ZNF846: variants seen among roughly 807,000 people sequenced by gnomAD.
ZNF846 encodes zinc finger protein 420 pseudogene.
Under a neutral mutation model 16.0 loss-of-function variants are expected in ZNF846, and 15 were observed. The observed-to-expected ratio is 0.94, with a 90% CI of 0.63 to 1.45. The LOEUF is 1.45. ZNF846 is among the 40% of genes most tolerant of loss of function. The pLI, the probability that ZNF846 is intolerant of heterozygous loss-of-function variation, is 0.00. For missense variants in ZNF846, 714 were observed against 622.3 expected, an observed-to-expected ratio of 1.15 and a Z score of -1.57; for synonymous variants, 229 against 212.0, an observed-to-expected ratio of 1.08 and a Z score of -0.70.
rs10419396 is a variant in ZNF846, at chr19:9,762,449, C to T, written c.143-281G>A. 5.0e-3 allele frequency: 1,351 copies of T among 270,706 alleles called. 15 individuals are homozygous for T. Among genetic ancestry groups the T allele is most frequent in the African/African-American group, 0.029 (1,289 of 44,420 alleles). The allele number at this position is 270,706 out of a possible 1,614,324, so 16.8% of individuals were successfully genotyped here. On this transcript the variant is annotated intron_variant, in intron 3 of 5. Coordinates refer to ENST00000397902, the Ensembl canonical transcript of ZNF846. ...GGTTAGGAGTTCAAGACCAGCCTGG[C>T]CAACGTGGTGAAACTTCCTCTCTAC... is the stretch of plus-strand genomic sequence containing the variant.
At chr19:9,776,567 C>T (rs1042895650) in intron 1 of ZNF846, among the ~76,000 whole-genome samples, 1 of 152,234 alleles carries the variant, frequency 6.6e-6, no homozygotes, top group Non-Finnish European at 1.5e-5. Context: ...ACACTCTTTA[C>T]CCTGCCCCTT....
At chr19:9,783,995 G>A (rs1460971430) in intron 1 of ZNF846, among the ~76,000 whole-genome samples, 4 of 152,104 alleles carry the variant, frequency 2.6e-5, no homozygotes, top group Admixed American at 6.6e-5. Flanking sequence ...TAGCCATCGC[G>A]CCTGGCCAGA....
intron 4 of ZNF846, among the ~76,000 whole-genome samples, chr19:9,760,564 G>A (rs958220041): frequency 6.6e-6 from 1 of 150,424 alleles, no homozygotes; most frequent in Non-Finnish European, 1.5e-5. Flanking sequence ...GGCCAGACAT[G>A]GTGGTGTACA....
rs1338041198 is a variant in ZNF846 at position 9,776,275 on chromosome 19, C to A, written c.-86+9663G>T. Among the ~76,000 whole-genome samples the A allele has an allele frequency of 2.0e-5, 3 of 152,342 alleles. No individual in the cohort carries two copies. The South Asian group carries it at 6.2e-4, about 32-fold the overall frequency. Reference sequence around the variant, plus strand: ...GGGCCTGACATCAGCCAGGCTTGCCCACTGTTATCTGGAGGCCCAACCGTC... The same window carrying A: ...GGGCCTGACATCAGCCAGGCTTGCCAACTGTTATCTGGAGGCCCAACCGTC... On this transcript the variant is annotated intron_variant, in intron 1 of 4. Coordinates refer to the ZNF846 transcript ENST00000586814.
At position 9,758,384 on chromosome 19, in the gene ZNF846, A is replaced by T. The variant is rs1194183031; in HGVS notation, c.693T>A (p.Cys231Ter). 3.1e-6 allele frequency: 5 copies of T among 1,613,218 alleles called. No homozygotes were observed. The highest frequency in any genetic ancestry group is 3.4e-6 in the Non-Finnish European group (4 of 1,179,870). The change falls in exon 6 of 6, where the codon TGT becomes TGA. Residue 231 changes from cysteine to a stop codon, truncating the protein, a stop_gained. Coordinates refer to ENST00000397902, the Ensembl canonical transcript of ZNF846. LOFTEE classifies it low-confidence loss of function (END_TRUNC). ...GTGAGGAATTACTGAAGGCTTTCCC[A>T]CATTCCTTACATACATAGTGTTTGT...
At chr19:9,782,475 C>A (rs148215419) in intron 1 of ZNF846, among the ~76,000 whole-genome samples, 2 of 152,074 alleles carry the variant, frequency 1.3e-5, no homozygotes, top group Non-Finnish European at 2.9e-5. Flanking sequence ...GTTGCCCAGG[C>A]TTGTCTCCAA....
intron 1 of ZNF846, among the ~76,000 whole-genome samples, chr19:9,785,694 C>T (rs1322139694): frequency 1.2e-5 from 1 of 81,956 alleles, no homozygotes; most frequent in Non-Finnish European, 2.6e-5. Flanking sequence ...GAGACTCCGC[C>T]CCCGTCTCTC....
At chr19:9,770,480 C>CTT (rs565850988), upstream of ZNF846, among the ~76,000 whole-genome samples, 186 of 130,106 alleles carry the variant, frequency 1.4e-3, no homozygotes, top group South Asian at 3.1e-3. Context: ...TGGGTTTTCT[C>CTT]TTTTTTTTTT....
At chr19:9,762,229 T>C in intron 3 of ZNF846, 61 bp from the exon 4 acceptor site, 1 of 1,305,946 alleles carries the variant, frequency 7.7e-7, no homozygotes, top group Non-Finnish European at 1.1e-6. Context: ...TGTCCTTCAA[T>C]GGGGAACCAA....
At chr19:9,754,563 T>TCAAAAAAAAAAAAAAAAAAAAAAA (rs776769152), downstream of ZNF846, among the ~76,000 whole-genome samples, 21 of 83,768 alleles carry the variant, frequency 2.5e-4, 1 homozygote, top group South Asian at 9.3e-4. Context: ...AGACTCTGTC[T>TCAAAAAAAAAAAAAAAAAAAAAAA]TAAAAAAAAA....
chr19:9,754,040 C>T (rs530828269), downstream of ZNF846, among the ~76,000 whole-genome samples: 7 of 151,476 alleles, frequency 4.6e-5, no homozygotes, highest in East Asian at 7.7e-4. Flanking sequence ...CCAATATTTA[C>T]TTCATGTATT....
At chr19:9,756,345 G>GTGTGTGTGTATATATA (rs1321690890), downstream of ZNF846, 5 of 81,772 alleles carry the variant, frequency 6.1e-5, no homozygotes, top group South Asian at 4.7e-4. Flanking sequence ...GTGTGTGTGT[G>GTGTGTGTGTATATATA]TATATATATA....
At chr19:9,764,996 T>C (rs1281559091) in exon 2 of ZNF846, 4 of 1,611,148 alleles carry the variant, frequency 2.5e-6, no homozygotes, top group African/African-American at 1.3e-5. Context: ...CTTCTCGATG[T>C]TCCTGTCATG....
chr19:9,757,798 A>G, exon 6 of ZNF846: 5 of 1,613,640 alleles, frequency 3.1e-6, no homozygotes, highest in Non-Finnish European at 4.2e-6. Flanking sequence ...GCTTTCCCAC[A>G]TTCTTTGCAT....
chr19:9,783,540 A>ATATATATATATATAT (rs1415322257), intron 1 of ZNF846, among the ~76,000 whole-genome samples: 27 of 120,504 alleles, frequency 2.2e-4, no homozygotes, highest in African/African-American at 1.0e-3. Flanking sequence ...AAAAAAAAAA[A>ATATATATATATATAT]AAAAATATAT....
At chr19:9,777,125 G>A (rs1023112875) in intron 1 of ZNF846, among the ~76,000 whole-genome samples, 1 of 148,496 alleles carries the variant, frequency 6.7e-6, no homozygotes, top group Admixed American at 6.8e-5. Context: ...AGAAGAAGAA[G>A]AACGAAAGAA....
intron 1 of ZNF846, chr19:9,774,381 T>C: frequency 3.8e-6 from 2 of 523,356 alleles, no homozygotes; most frequent in Non-Finnish European, 6.9e-6. Flanking sequence ...GGCAGGAGAA[T>C]GGCGTGAACC....
chr19:9,758,221 C>T (rs1568321617), exon 6 of ZNF846: 1 of 1,613,236 alleles, frequency 6.2e-7, no homozygotes, highest in South Asian at 1.1e-5. Flanking sequence ...TTCCCACACT[C>T]TTTACATTTA....
chr19:9,783,178 T>TGAAATACA (rs1400006654), intron 1 of ZNF846, among the ~76,000 whole-genome samples: 3 of 150,708 alleles, frequency 2.0e-5, no homozygotes. Context: ...CCCAAAGTGC[T>TGAAATACA]GAAATACAGA....
Sources: gnomAD v4.1 joint callset for allele counts (sites outside exome capture counted in the v4.1 genomes callset) on GRCh38, gnomAD v4.1.1 for gene constraint, MANE v1.5 for transcripts, NCBI Gene and HGNC (gene_info 2026-07-23, HGNC 2026-07-21) for gene names.